TGFA: variants seen among roughly 807,000 people sequenced by gnomAD.
The protein encoded by TGFA is transforming growth factor alpha.
A neutral mutation model predicts 21.7 loss-of-function variants in TGFA; 12 were observed. The ratio of observed to expected loss-of-function variants is 0.55; its 90% CI spans 0.35 to 0.90. The LOEUF (loss-of-function observed/expected upper bound fraction) is 0.90. TGFA is among the 40% of genes least tolerant of loss of function. The pLI is 0.01. For missense variants in TGFA, 178 were observed against 210.8 expected, an observed-to-expected ratio of 0.84 and a Z score of 0.96; for synonymous variants, 79 against 88.1, an observed-to-expected ratio of 0.90 and a Z score of 0.58.
At chr2:70,531,585 A>G (rs1672815572) in intron 1 of TGFA, among the ~76,000 whole-genome samples, 2 of 152,178 alleles carry the variant, frequency 1.3e-5, no homozygotes, top group Non-Finnish European at 2.9e-5. Flanking sequence ...CCACCTCCAT[A>G]CAGAACCCAC....
At chr2:70,509,955 G>A (rs1490075209) in intron 2 of TGFA, among the ~76,000 whole-genome samples, 1 of 152,208 alleles carries the variant, frequency 6.6e-6, no homozygotes, top group African/African-American at 2.4e-5. Context: ...TGTGACAGGT[G>A]TTCTAAGCTA....
chr2:70,496,278 C>T (rs1351906930), intron 2 of TGFA, among the ~76,000 whole-genome samples: 2 of 151,824 alleles, frequency 1.3e-5, no homozygotes, highest in African/African-American at 4.8e-5. Context: ...AAGAGTCATT[C>T]GTAATCTTCA....
rs139352222 is a variant in TGFA, at chr2:70,478,864, G to C, written c.95-13128C>G. On this transcript the variant is annotated intron_variant, in intron 2 of 5. Coordinates refer to ENST00000295400, the MANE Select transcript of TGFA (RefSeq NM_003236.4). ...TTCTTTCCCCTTTTGTGGTGATTTA[G>C]AATATAAATACTCTTTTTAATTTGT... 5.9e-4 allele frequency among the ~76,000 whole-genome samples: 89 copies of C among 152,126 alleles called. 2 individuals carry two copies. The East Asian group carries it at 0.017, about 28-fold the overall frequency.
intron 1 of TGFA, among the ~76,000 whole-genome samples, chr2:70,537,793 C>T (rs551062370): frequency 7.9e-5 from 12 of 152,306 alleles, no homozygotes; most frequent in South Asian, 4.1e-4. Context: ...CAAGTGCTGA[C>T]GTAGGAGCTG....
intron 2 of TGFA, among the ~76,000 whole-genome samples, chr2:70,488,916 G>A (rs7561997): frequency 0.47 from 70,659 of 151,932 alleles, 16,623 homozygotes; most frequent in East Asian, 0.58. Flanking sequence ...CTGTAACACC[G>A]TCAGCTTACT....
chr2:70,477,982 C>T (rs1553494782), intron 2 of TGFA, among the ~76,000 whole-genome samples: 1 of 152,166 alleles, frequency 6.6e-6, no homozygotes, highest in Non-Finnish European at 1.5e-5. Flanking sequence ...TTCTCTCTTT[C>T]TCTGTCTCTT....
chr2:70,486,716 C>T (rs1183525669), intron 2 of TGFA, among the ~76,000 whole-genome samples: 1 of 152,036 alleles, frequency 6.6e-6, no homozygotes, highest in Non-Finnish European at 1.5e-5. Flanking sequence ...CCTGCCATGG[C>T]CCCCTAAAGT....
chr2:70,521,617 G>GTTTTTTTTTTTTTTTTTTTTTT (rs35177436), intron 1 of TGFA, among the ~76,000 whole-genome samples: 27 of 87,094 alleles, frequency 3.1e-4, no homozygotes, highest in Non-Finnish European at 3.3e-4. Context: ...TTGTTTGTTT[G>GTTTTTTTTTTTTTTTTTTTTTT]TTTTTTTTTT....
chr2:70,516,410 G>A (rs2863688), intron 1 of TGFA, among the ~76,000 whole-genome samples: 9,801 of 152,212 alleles, frequency 0.064, 1,060 homozygotes, highest in African/African-American at 0.22. Flanking sequence ...TGCTCCCGAT[G>A]TTCCTTCCAA....
In TGFA at chr2:70,553,731, G is replaced by A; in HGVS notation, c.37C>T (p.Leu13=). 2 of 1,333,406 alleles carry A rather than the reference G, an allele frequency of 1.5e-6. No homozygotes were observed. Among genetic ancestry groups the A allele is most frequent in the South Asian group, 4.5e-5 (2 of 44,772 alleles). 82.6% of individuals were successfully genotyped at this position (1,333,406 alleles called of 1,614,324 possible). A position where few individuals can be genotyped will look rare whatever the true frequency, so the allele number is the denominator to read the frequency against. ...PSAGQLALFA[L]GIVLAACQAL... is the part of the protein sequence containing the mutation. Reference sequence around the variant, plus strand: ...GCGCCGCAGCCGGCGTACGTACCCAGAGCGAACAGGGCGAGCTGTCCAGCC... The same window carrying A: ...GCGCCGCAGCCGGCGTACGTACCCAAAGCGAACAGGGCGAGCTGTCCAGCC... The change falls in exon 1 of 6, where the codon CTG becomes TTG. Residue 13 remains leucine (L), a synonymous_variant. Transcript: ENST00000295400.
chr2:70,489,928 G>A (rs933897441), intron 2 of TGFA, among the ~76,000 whole-genome samples: 3 of 152,144 alleles, frequency 2.0e-5, no homozygotes, highest in South Asian at 4.2e-4. Context: ...CTGGTTTACC[G>A]CCTTTCAATC....
chr2:70,497,892 C>T (rs1376783519), intron 2 of TGFA, among the ~76,000 whole-genome samples: 1 of 152,194 alleles, frequency 6.6e-6, no homozygotes, highest in Admixed American at 6.5e-5. Context: ...CAGTTATTTA[C>T]TTGAGGTACT....
At chr2:70,469,406 C>T (rs991380955) in intron 2 of TGFA, among the ~76,000 whole-genome samples, 6 of 152,132 alleles carry the variant, frequency 3.9e-5, no homozygotes, top group Non-Finnish European at 8.8e-5. Flanking sequence ...ACGTTCATGG[C>T]TCACTGCAGC....
At chr2:70,456,154 T>G (rs561329741) in intron 4 of TGFA, among the ~76,000 whole-genome samples, 185 bp downstream of exon 4, 25 of 152,340 alleles carry the variant, frequency 1.6e-4, no homozygotes, top group African/African-American at 5.8e-4. Context: ...TGCATGAGGC[T>G]TTCATGCAGC....
chr2:70,532,963 G>A (rs1672858403), intron 1 of TGFA, among the ~76,000 whole-genome samples: 1 of 151,758 alleles, frequency 6.6e-6, no homozygotes, highest in South Asian at 2.1e-4. Flanking sequence ...CTGGGCTCAG[G>A]TGACTCTCTC....
chr2:70,545,213 G>A (rs60286811), intron 1 of TGFA, among the ~76,000 whole-genome samples: 302 of 152,034 alleles, frequency 2.0e-3, no homozygotes, highest in African/African-American at 6.9e-3. Flanking sequence ...TGAAGGACAC[G>A]AAGGAGACGA....
chr2:70,473,791 C>CA (rs1187811762), intron 2 of TGFA, among the ~76,000 whole-genome samples: 1 of 152,048 alleles, frequency 6.6e-6, no homozygotes, highest in Non-Finnish European at 1.5e-5. Context: ...CATTTGAAAA[C>CA]AGAGTTTAGC....
At chr2:70,465,105 T>A (rs967443419) in intron 3 of TGFA, among the ~76,000 whole-genome samples, 2 of 152,190 alleles carry the variant, frequency 1.3e-5, no homozygotes, top group Non-Finnish European at 2.9e-5. Flanking sequence ...ACCATGCATG[T>A]CCTGCATCTT....
At chr2:70,482,314 G>A (rs976409202) in intron 2 of TGFA, among the ~76,000 whole-genome samples, 1 of 152,120 alleles carries the variant, frequency 6.6e-6, no homozygotes, top group Admixed American at 6.5e-5. Flanking sequence ...AGGAATACAG[G>A]TTTAGAGAGG....
Sources: gnomAD v4.1 joint callset for allele counts (sites outside exome capture counted in the v4.1 genomes callset) on GRCh38, gnomAD v4.1.1 for gene constraint, MANE v1.5 for transcripts, NCBI Gene and HGNC (gene_info 2026-07-23, HGNC 2026-07-21) for gene names.